MUC17: variants seen among roughly 807,000 people sequenced by gnomAD.
The protein encoded by MUC17 is mucin-17.
MUC17 carries 190 observed loss-of-function variants against 170.3 expected under a neutral mutation model. That is an observed-to-expected ratio of 1.12 (90% CI 0.99 to 1.26). The LOEUF (loss-of-function observed/expected upper bound fraction) is 1.26, where lower values mean the gene tolerates loss of function less well. MUC17 is among the 50% of genes most tolerant of loss of function. The pLI, the probability that MUC17 is intolerant of heterozygous loss-of-function variation, is 0.00. For missense variants in MUC17, 6,415 were observed against 5,530.0 expected (o/e 1.16, Z -5.08); for synonymous variants, 2,325 against 2,002.5 (o/e 1.16, Z -4.30).
chr7:101,049,878 C>T (rs1157801592), intron 6 of MUC17, among the ~76,000 whole-genome samples: 1 of 152,150 alleles, frequency 6.6e-6, no homozygotes, highest in African/African-American at 2.4e-5. Flanking sequence ...CACCTGTAAT[C>T]CCAGCACTTT....
At position 101,036,034 on chromosome 7, in the gene MUC17, G is replaced by A; in HGVS notation, c.4618G>A (p.Val1540Ile). Residue 1540 changes from valine (V) to isoleucine (I), a missense_variant, in exon 3 of 13, where the codon GTC (valine) becomes ATC (isoleucine). Physicochemically the swap from Val to Ile is conservative, Grantham distance 29. Transcript: ENST00000306151. ...EINSLSTTPAVTSTPVTTYSQ... is the reference protein window; with the variant it reads ...EINSLSTTPAITSTPVTTYSQ... ...CAACAGCCTTTCAACAACTCCTGCT[G>A]TCACCAGCACACCTGTGACCACTTA... The A allele has an allele frequency of 3.7e-6, 6 of 1,612,346 alleles. No individual in the cohort carries two copies. Among genetic ancestry groups the A allele is most frequent in the Non-Finnish European group, 5.1e-6 (6 of 1,179,030 alleles).
Position 101,058,153 on chromosome 7 carries a change from G to A in MUC17, c.*109G>A, listed in dbSNP as rs1215725108. ...TGGGAACTCAATGTTCCCATTGTAA[G>A]TACAGGAAACAAGCCCTGTACTTAC... On this transcript the variant is annotated 3_prime_UTR_variant, in exon 13 of 13. Coordinates refer to ENST00000306151, the MANE Select transcript of MUC17 (RefSeq NM_001040105.2). 42 of 1,022,872 alleles carry A rather than the reference G, an allele frequency of 4.1e-5. No homozygotes were observed. The highest frequency in any genetic ancestry group is 6.3e-5 in the Non-Finnish European group (41 of 654,598). The allele number at this position is 1,022,872 out of a possible 1,614,324, so 63.4% of individuals were successfully genotyped here.
chr7:101,025,152 C>T (rs1266574315), intron 1 of MUC17, among the ~76,000 whole-genome samples: 1 of 149,130 alleles, frequency 6.7e-6, no homozygotes, highest in Non-Finnish European at 1.5e-5. Context: ...ATCGCTTGAG[C>T]CCAGAAGTTT....
At chr7:101,053,251 G>A (rs1025674031) in intron 10 of MUC17, 88 bp from the exon 11 acceptor site, 44 of 1,580,446 alleles carry the variant, frequency 2.8e-5, no homozygotes, top group Non-Finnish European at 3.8e-5. Flanking sequence ...GGCAGCGGGG[G>A]CAGCTAAAAA....
rs758839306 is a variant in MUC17 at position 101,033,782 on chromosome 7, C to T, written c.2366C>T (p.Thr789Ile). 6.2e-6 allele frequency: 10 copies of T among 1,614,088 alleles called. No individual in the cohort carries two copies. Among genetic ancestry groups the T allele is most frequent in the Non-Finnish European group, 8.5e-6 (10 of 1,179,980 alleles). Residue 789 changes from threonine to isoleucine, a missense_variant, in exon 3 of 13, where the codon ACA (threonine) becomes ATA (isoleucine). Thr to Ile is a moderately conservative substitution (Grantham distance 89). Coordinates refer to ENST00000306151, the MANE Select transcript of MUC17 (RefSeq NM_001040105.2). Reference sequence around the variant, plus strand: ...TCTACTGAAGCCAGTTGCTCTCCTACAACCACTGAAGGTACCAGCATGCCA... The same window carrying T: ...TCTACTGAAGCCAGTTGCTCTCCTATAACCACTGAAGGTACCAGCATGCCA... ...TTSTEASCSP[T>I]TTEGTSMPIS...
chr7:101,031,449 C>A, intron 2 of MUC17, 152 bp from the exon 3 acceptor site: 2 of 1,044,416 alleles, frequency 1.9e-6, no homozygotes, highest in Non-Finnish European at 2.7e-6. Context: ...GAGAGACTAA[C>A]ACACTGGAGA....
In MUC17 at chr7:101,040,546, G is replaced by A. The variant is rs1422668216; in HGVS notation, c.9130G>A (p.Gly3044Arg). 6.2e-7 allele frequency: 1 copy of A among 1,609,750 alleles called. No individual in the cohort carries two copies. Among genetic ancestry groups the A allele is most frequent in the East Asian group, 2.2e-5 (1 of 44,558 alleles). The change falls in exon 3 of 13, where the codon GGA becomes AGA. Residue 3044 changes from glycine (G) to arginine (R), a missense_variant. Transcript: ENST00000306151. ...TGIPISTPSE[G>R]STPLTSIPVS... ...CATACCAATCTCAACTCCTAGTGAAGGAAGTACTCCATTAACAAGTATACC... is the reference window on the plus strand; with the variant it reads ...CATACCAATCTCAACTCCTAGTGAAAGAAGTACTCCATTAACAAGTATACC...
Position 101,034,238 on chromosome 7 carries a change from C to T in MUC17, c.2822C>T (p.Ala941Val), listed in dbSNP as rs148817224. 0.011 allele frequency: 16,339 copies of T among 1,452,490 alleles called. No individual in the cohort carries two copies. The highest frequency in any genetic ancestry group is 0.047 in the African/African-American group (2,295 of 49,292). The allele number at this position is 1,452,490 out of a possible 1,614,324, so 90.0% of individuals were successfully genotyped here. ...DSTTPVVSSE[A>V]RTLSATPVDT... ...ACCACGCCGGTAGTCAGTTCTGAGGCTAGAACACTTTCAGCAACTCCTGTT... is the reference window on the plus strand; with the variant it reads ...ACCACGCCGGTAGTCAGTTCTGAGGTTAGAACACTTTCAGCAACTCCTGTT... The change falls in exon 3 of 13, where the codon GCT becomes GTT. Residue 941 changes from alanine to valine, a missense_variant. Ala to Val is a moderately conservative substitution (Grantham distance 64, BLOSUM62 0). Coordinates refer to ENST00000306151, the MANE Select transcript of MUC17 (RefSeq NM_001040105.2).
In MUC17 at chr7:101,039,927, C is replaced by G. The variant is rs529681811; in HGVS notation, c.8511C>G (p.Thr2837=). The change falls in exon 3 of 13, where the codon ACC becomes ACG. Residue 2837 remains threonine, a synonymous_variant. Transcript: ENST00000306151. ...AGTLSTTPVD[T]STPVTTSTKA... Reference sequence around the variant, plus strand: ...CCCTTTCAACAACTCCTGTTGACACCAGCACACCTGTGACCACTTCTACTA... The same window carrying G: ...CCCTTTCAACAACTCCTGTTGACACGAGCACACCTGTGACCACTTCTACTA... 11 of 1,613,610 alleles carry G rather than the reference C, an allele frequency of 6.8e-6. No homozygotes were observed. The South Asian group carries it at 1.2e-4, about 18-fold the overall frequency.
Position 101,052,983 on chromosome 7 carries a change from C to G in MUC17, c.13104-3C>G, listed in dbSNP as rs1216908227. ...CCAACCTGCCGCTTCTCTCCCATCT[C>G]AGCTGCGTGACCACGGAAACTCACT... On this transcript the variant is annotated splice_polypyrimidine_tract_variant and splice_region_variant and intron_variant, in intron 9 of 12. Coordinates refer to ENST00000306151, the MANE Select transcript of MUC17 (RefSeq NM_001040105.2). The G allele has an allele frequency of 6.2e-7, 1 of 1,611,670 alleles. No homozygotes were observed. Among genetic ancestry groups the G allele is most frequent in the Admixed American group, 1.7e-5 (1 of 59,798 alleles).
chr7:101,037,409 T>A lies in MUC17; in HGVS notation c.5993T>A (p.Val1998Asp). The A allele has an allele frequency of 6.2e-7, 1 of 1,608,914 alleles. No individual in the cohort carries two copies. ...TSMPLSTTLV[V>D]SSEASTLSTT... ...ATGCCTCTCAGCACCACGCTGGTGGTCAGTTCTGAGGCTAGCACTCTTTCC... is the reference window on the plus strand; with the variant it reads ...ATGCCTCTCAGCACCACGCTGGTGGACAGTTCTGAGGCTAGCACTCTTTCC... The change falls in exon 3 of 13, where the codon GTC becomes GAC. Residue 1998 changes from valine to aspartate, a missense_variant. Val to Asp is a radical substitution (Grantham distance 152, BLOSUM62 -3). Transcript: ENST00000306151.
rs1794414801 is a variant in MUC17 at position 101,034,901 on chromosome 7, T to A, written c.3485T>A (p.Leu1162Ter). 1.2e-6 allele frequency: 2 copies of A among 1,613,352 alleles called. No homozygotes were observed. Among genetic ancestry groups the A allele is most frequent in the African/African-American group, 1.3e-5 (1 of 74,780 alleles). Reference protein sequence around the residue: ...TSPPSEGTTPLASMPVSTTLV... With the variant: ...TSPPSEGTTP The stretch of plus-strand genomic sequence containing the variant: ...CCTCCCAGTGAAGGAACCACTCCGT[T>A]AGCAAGTATGCCTGTCAGCACCACG... The change falls in exon 3 of 13, where the codon TTA (leucine) becomes TAA (stop). Residue 1162 changes from leucine to a stop codon, truncating the protein, a stop_gained. Coordinates refer to ENST00000306151, the MANE Select transcript of MUC17 (RefSeq NM_001040105.2). LOFTEE classifies it high-confidence loss of function.
chr7:101,023,271 A>T (rs13239478), intron 1 of MUC17, among the ~76,000 whole-genome samples: 2 of 152,002 alleles, frequency 1.3e-5, no homozygotes, highest in Middle Eastern at 3.2e-3. Flanking sequence ...AATAAGGCCA[A>T]CTTCTGGGGC....
chr7:101,034,278 T>C lies in MUC17; in HGVS notation c.2862T>C (p.Pro954=). Residue 954 remains proline (P), a synonymous_variant, in exon 3 of 13, where the codon CCT becomes CCC. Transcript: ENST00000306151. ...CAACTCCTGTTGACACCAGCACACC[T>C]GTGACCACTTCTACTGAAGCCACTT... ...LSATPVDTST[P]VTTSTEATSS... The C allele has an allele frequency of 1.2e-6, 2 of 1,609,448 alleles. No homozygotes were observed. The highest frequency in any genetic ancestry group is 1.7e-6 in the Non-Finnish European group (2 of 1,177,970).
At chr7:101,028,078 AT>A (rs904602393) in intron 1 of MUC17, among the ~76,000 whole-genome samples, 50 of 139,918 alleles carry the variant, frequency 3.6e-4, no homozygotes, top group African/African-American at 6.4e-4. Flanking sequence ...TCACCCTTAA[AT>A]TTTTTTTTAA....
chr7:101,037,992 G>A lies in MUC17; in HGVS notation c.6576G>A (p.Val2192=), dbSNP rs1414942433. Residue 2192 remains valine, a synonymous_variant, in exon 3 of 13, where the codon GTG becomes GTA. Transcript: ENST00000306151. ...CTCCTGTTGACACCAGCACACCTGT[G>A]ACCAATTCTACTGAAGCCCGTTCAT... The part of the protein sequence containing the change: ...STTPVDTSTP[V]TNSTEARSSP... The A allele has an allele frequency of 6.2e-7, 1 of 1,607,764 alleles. No homozygotes were observed. Among genetic ancestry groups the A allele is most frequent in the South Asian group, 1.1e-5 (1 of 90,022 alleles).
intron 1 of MUC17, among the ~76,000 whole-genome samples, chr7:101,030,367 T>C (rs1400384472): frequency 6.6e-6 from 1 of 151,560 alleles, no homozygotes; most frequent in Non-Finnish European, 1.5e-5. Flanking sequence ...GGACTACAGG[T>C]GCACATGCCA....
chr7:101,038,980 G>T lies in MUC17; in HGVS notation c.7564G>T (p.Val2522Phe), dbSNP rs372527914. 5 of 1,613,932 alleles carry T rather than the reference G, an allele frequency of 3.1e-6. No individual in the cohort carries two copies. Among genetic ancestry groups the T allele is most frequent in the Non-Finnish European group, 4.2e-6 (5 of 1,180,018 alleles). ...EGSTLLTSIP[V>F]STTPVASPEA... ...AAGTACTCTATTAACAAGTATACCT[G>T]TCAGCACCACGCCAGTGGCCAGTCC... Residue 2522 changes from valine to phenylalanine, a missense_variant, in exon 3 of 13, where the codon GTC becomes TTC. By Grantham distance (50) the Val-to-Phe change is conservative. Transcript: ENST00000306151.
At position 101,042,015 on chromosome 7, in the gene MUC17, G is replaced by A. The variant is rs141390953; in HGVS notation, c.10599G>A (p.Glu3533=). The A allele has an allele frequency of 7.2e-4, 1,162 of 1,613,732 alleles. 9 individuals are homozygous for A. In the East Asian group the frequency reaches 0.01, roughly 14 times the overall value. The change falls in exon 3 of 13, where the codon GAG becomes GAA. Residue 3533 remains glutamate (E), a synonymous_variant. Coordinates refer to ENST00000306151, the MANE Select transcript of MUC17 (RefSeq NM_001040105.2). The part of the protein sequence containing the change: ...PVSTTPVASS[E]ASTLSTTPVD... ...GCACCACACCGGTGGCCAGTTCTGA[G>A]GCTAGCACCCTTTCAACAACTCCTG...
Sources: allele counts gnomAD v4.1 joint callset (sites outside exome capture counted in the v4.1 genomes callset), GRCh38; gene constraint gnomAD v4.1.1; transcripts MANE v1.5; gene names NCBI Gene and HGNC (gene_info 2026-07-23, HGNC 2026-07-21).